Variants in GPC6 observed in about 807,000 individuals in gnomAD.
The protein encoded by GPC6 is glypican 6, also known as glypican-6.
A neutral mutation model predicts 55.2 loss-of-function variants in GPC6; 14 were observed. The ratio of observed to expected loss-of-function variants is 0.25; its 90% CI spans 0.17 to 0.40. GPC6 has a LOEUF of 0.40. Among genes scored for constraint, GPC6 ranks in the 10% least tolerant of loss-of-function variants. The pLI, the probability that GPC6 is intolerant of heterozygous loss-of-function variation, is 1.00. For synonymous variants in GPC6, 278 were observed against 259.6 expected, an observed-to-expected ratio of 1.07 and a Z score of -0.68; for missense variants, 641 against 708.5, an observed-to-expected ratio of 0.90 and a Z score of 1.08.
chr13:94,231,074 C>G lies in GPC6; in HGVS notation c.878-55275C>G, dbSNP rs113961447. ...TGTCTCCATAGCCATGTTGCTAAGA[C>G]TTTGGCTGAATTGTTCACTACTAGA... On this transcript the variant is annotated intron_variant, in intron 4 of 8. Coordinates refer to ENST00000377047, the MANE Select transcript of GPC6 (RefSeq NM_005708.5). 7.2e-5 allele frequency among the ~76,000 whole-genome samples: 11 copies of G among 152,234 alleles called. 1 individual carries two copies. The highest frequency in any genetic ancestry group is 2.6e-4 in the African/African-American group (11 of 41,542).
At chr13:94,077,295 T>C (rs753870605) in intron 4 of GPC6, among the ~76,000 whole-genome samples, 27 of 151,886 alleles carry the variant, frequency 1.8e-4, no homozygotes, top group Non-Finnish European at 3.5e-4. Flanking sequence ...TGTTAATGTA[T>C]AGAAACATGA....
At chr13:94,075,667 G>A (rs1884887405) in intron 4 of GPC6, among the ~76,000 whole-genome samples, 1 of 152,056 alleles carries the variant, frequency 6.6e-6, no homozygotes, top group Non-Finnish European at 1.5e-5. Flanking sequence ...GCTTCTATGA[G>A]TTTGACTATT....
intron 4 of GPC6, among the ~76,000 whole-genome samples, chr13:94,088,410 G>A (rs1219072224): frequency 6.6e-6 from 1 of 152,044 alleles, no homozygotes; most frequent in Non-Finnish European, 1.5e-5. Flanking sequence ...AGTGGAGCCA[G>A]GCATGGTGGC....
intron 1 of GPC6, among the ~76,000 whole-genome samples, chr13:93,529,169 C>T (rs1313513722): frequency 6.6e-6 from 1 of 152,088 alleles, no homozygotes; most frequent in Non-Finnish European, 1.5e-5. Context: ...CTGAAATACT[C>T]TGTTGTATTT....
intron 8 of GPC6, among the ~76,000 whole-genome samples, chr13:94,401,944 T>TGATAGATA (rs200622525): frequency 6.0e-5 from 9 of 149,748 alleles, no homozygotes; most frequent in South Asian, 2.1e-4. Context: ...ATTGATTGAT[T>TGATAGATA]GATAGATAGA....
At chr13:93,936,128 T>C (rs533377746) in intron 3 of GPC6, among the ~76,000 whole-genome samples, 55 of 152,352 alleles carry the variant, frequency 3.6e-4, no homozygotes, top group Non-Finnish European at 6.9e-4. Context: ...GTGAGTGTTA[T>C]ATTTGGATTG....
At chr13:93,380,968 G>A (rs942671374) in intron 1 of GPC6, among the ~76,000 whole-genome samples, 4 of 152,028 alleles carry the variant, frequency 2.6e-5, no homozygotes, top group African/African-American at 9.7e-5. Flanking sequence ...TTCACACACC[G>A]ACTGGCATTC....
chr13:94,107,596 A>G (rs900823052), intron 4 of GPC6, among the ~76,000 whole-genome samples: 6 of 136,230 alleles, frequency 4.4e-5, no homozygotes, highest in African/African-American at 1.7e-4. Flanking sequence ...TTTTTTTTCC[A>G]CCTGCAAGAT....
At chr13:93,400,034 A>G (rs1272136601) in intron 1 of GPC6, among the ~76,000 whole-genome samples, 1 of 152,166 alleles carries the variant, frequency 6.6e-6, no homozygotes, top group Admixed American at 6.5e-5. Flanking sequence ...CCTCCCATGA[A>G]AGCATATTCT....
At chr13:93,663,677 G>C (rs2139616620) in intron 2 of GPC6, among the ~76,000 whole-genome samples, 1 of 152,262 alleles carries the variant, frequency 6.6e-6, no homozygotes, top group Admixed American at 6.5e-5. Context: ...AGTAACTTCA[G>C]GGTCAGGAAA....
chr13:93,812,338 G>C (rs1192021020), intron 2 of GPC6, among the ~76,000 whole-genome samples: 1 of 151,520 alleles, frequency 6.6e-6, no homozygotes, highest in African/African-American at 2.4e-5. Flanking sequence ...GTGAGCCGAG[G>C]TCGTGCCACT....
At chr13:93,466,810 A>G (rs983394317) in intron 1 of GPC6, among the ~76,000 whole-genome samples, 3 of 152,160 alleles carry the variant, frequency 2.0e-5, no homozygotes, top group Non-Finnish European at 4.4e-5. Context: ...GAGTACTACT[A>G]TGGATCTGAT....
chr13:93,260,183 G>A (rs1877093961), intron 1 of GPC6, among the ~76,000 whole-genome samples: 1 of 152,074 alleles, frequency 6.6e-6, no homozygotes, highest in Admixed American at 6.5e-5. Context: ...CTACAGAAGA[G>A]CCTTCATTTT....
At chr13:93,663,032 A>G (rs1880987762) in intron 2 of GPC6, among the ~76,000 whole-genome samples, 1 of 150,476 alleles carries the variant, frequency 6.6e-6, no homozygotes, top group Non-Finnish European at 1.5e-5. Flanking sequence ...GGTGGGATCT[A>G]TTCATTCACC....
intron 1 of GPC6, among the ~76,000 whole-genome samples, chr13:93,365,130 A>T (rs955316492): frequency 1.3e-5 from 2 of 152,114 alleles, no homozygotes; most frequent in African/African-American, 2.4e-5. Context: ...GAAGCCATGG[A>T]CCAGCATGTT....
chr13:94,010,066 G>T (rs1882181582), intron 3 of GPC6, among the ~76,000 whole-genome samples: 2 of 152,046 alleles, frequency 1.3e-5, no homozygotes, highest in Non-Finnish European at 2.9e-5. Context: ...TTCGAAGCCT[G>T]CAAAAACAAA....
At chr13:93,362,115 A>G (rs1250716849) in intron 1 of GPC6, among the ~76,000 whole-genome samples, 2 of 152,182 alleles carry the variant, frequency 1.3e-5, no homozygotes, top group Non-Finnish European at 2.9e-5. Context: ...GTTCTATAAT[A>G]TCTCTGCCAG....
intron 3 of GPC6, among the ~76,000 whole-genome samples, chr13:93,862,448 G>A (rs182664338): frequency 2.0e-4 from 30 of 151,716 alleles, no homozygotes; most frequent in Admixed American, 7.9e-4. Context: ...TTTAAGTATT[G>A]CATCTGATTC....
intron 1 of GPC6, among the ~76,000 whole-genome samples, chr13:93,297,283 T>C (rs1878527651): frequency 6.6e-6 from 1 of 152,082 alleles, no homozygotes; most frequent in Non-Finnish European, 1.5e-5. Context: ...ACTCCATCTC[T>C]GCAACACACA....
Sources: gnomAD v4.1 joint callset for allele counts (sites outside exome capture counted in the v4.1 genomes callset) on GRCh38, gnomAD v4.1.1 for gene constraint, MANE v1.5 for transcripts, NCBI Gene and HGNC (gene_info 2026-07-23, HGNC 2026-07-21) for gene names.